RYR3: variants seen among roughly 807,000 people sequenced by gnomAD.
The protein encoded by RYR3 is ryanodine receptor 3.
RYR3 carries 207 observed loss-of-function variants against 584.3 expected under a neutral mutation model. That is an observed-to-expected ratio of 0.35 (90% CI 0.32 to 0.40). The LOEUF is 0.40. Among genes scored for constraint, RYR3 ranks in the 10% least tolerant of loss-of-function variants. RYR3 has a pLI of 1.00. For missense variants in RYR3, 5,616 were observed against 6,089.2 expected (o/e 0.92, Z 2.59); for synonymous variants, 2,416 against 2,248.5 (o/e 1.07, Z -2.11).
intron 2 of RYR3, among the ~76,000 whole-genome samples, chr15:33,502,538 C>T (rs2052085681): frequency 6.6e-6 from 1 of 152,162 alleles, no homozygotes; most frequent in African/African-American, 2.4e-5. Context: ...AAGCTGTATT[C>T]TCAAGGAAAA....
chr15:33,441,028 C>A (rs114105544), intron 1 of RYR3, among the ~76,000 whole-genome samples: 46 of 152,200 alleles, frequency 3.0e-4, no homozygotes, highest in African/African-American at 1.0e-3. Context: ...AGTTTCTTAC[C>A]CAGTTACGTA....
At chr15:33,818,419 G>T (rs1157075408) in intron 75 of RYR3, among the ~76,000 whole-genome samples, 159 bp from the exon 76 acceptor site, 3 of 152,146 alleles carry the variant, frequency 2.0e-5, no homozygotes, top group African/African-American at 7.2e-5. Flanking sequence ...CACCTTTAGG[G>T]CTTCTATCCT....
intron 1 of RYR3, among the ~76,000 whole-genome samples, chr15:33,384,917 A>G (rs981542452): frequency 6.6e-6 from 1 of 152,208 alleles, no homozygotes; most frequent in African/African-American, 2.4e-5. Flanking sequence ...TGGAATTTCC[A>G]ACACTATAGC....
At chr15:33,853,788 T>C in intron 96 of RYR3, 106 bp downstream of exon 96, 1 of 1,446,244 alleles carries the variant, frequency 6.9e-7, no homozygotes, top group Non-Finnish European at 9.3e-7. Context: ...CAGGCTGTGG[T>C]CTGGCTTAGG....
intron 99 of RYR3, 30 bp from the exon 100 acceptor site, chr15:33,859,545 G>C (rs866639481): frequency 1.2e-6 from 2 of 1,612,690 alleles, no homozygotes. Context: ...TGTGACTTTT[G>C]CCTAAATCCC....
intron 44 of RYR3, among the ~76,000 whole-genome samples, chr15:33,723,536 G>T (rs1361474026): frequency 1.3e-5 from 2 of 152,168 alleles, no homozygotes; most frequent in African/African-American, 4.8e-5. Context: ...GTAGAATCTA[G>T]AGAGTGGGCA....
At chr15:33,693,355 G>C (rs1173079894) in intron 38 of RYR3, among the ~76,000 whole-genome samples, 1 of 152,228 alleles carries the variant, frequency 6.6e-6, no homozygotes. Flanking sequence ...GCGCTGCTCA[G>C]TGTGCATGTG....
At chr15:33,509,639 T>A (rs997841921) in intron 3 of RYR3, among the ~76,000 whole-genome samples, 4 of 152,236 alleles carry the variant, frequency 2.6e-5, no homozygotes, top group African/African-American at 9.6e-5. Context: ...TTTAAGTCAC[T>A]CATGCTTATA....
intron 16 of RYR3, among the ~76,000 whole-genome samples, chr15:33,601,119 C>T (rs974917519): frequency 2.0e-5 from 3 of 152,138 alleles, no homozygotes; most frequent in African/African-American, 4.8e-5. Context: ...AGCACAGCCT[C>T]TTACTTACTG....
chr15:33,620,999 G>T (rs1213603737), intron 19 of RYR3, among the ~76,000 whole-genome samples: 2 of 152,150 alleles, frequency 1.3e-5, no homozygotes. Context: ...CAGTTTATGT[G>T]GCCATTAGAG....
chr15:33,840,899 C>T lies in RYR3; in HGVS notation c.13037+16C>T. 1 of 1,610,992 alleles carries T rather than the reference C, an allele frequency of 6.2e-7. No homozygotes were observed. Among genetic ancestry groups the T allele is most frequent in the African/African-American group, 1.3e-5 (1 of 74,984 alleles). On this transcript the variant is annotated intron_variant, in intron 90 of 103. Coordinates refer to ENST00000634891, the MANE Select transcript of RYR3 (RefSeq NM_001036.6). ...AGAAGGCAGAGTAAGTTCTTGGTAGCATCAACTACTCTCATTGCTATGGTA... is the reference window on the plus strand; with the variant it reads ...AGAAGGCAGAGTAAGTTCTTGGTAGTATCAACTACTCTCATTGCTATGGTA...
At chr15:33,695,137 A>G (rs139350569) in intron 38 of RYR3, among the ~76,000 whole-genome samples, 1 of 152,256 alleles carries the variant, frequency 6.6e-6, no homozygotes, top group African/African-American at 2.4e-5. Context: ...TGAATTAAGG[A>G]TCTTCCTGCC....
chr15:33,481,426 T>C (rs910569447), intron 2 of RYR3, among the ~76,000 whole-genome samples: 1 of 152,194 alleles, frequency 6.6e-6, no homozygotes, highest in Non-Finnish European at 1.5e-5. Context: ...TTATGACATT[T>C]TATCTTCTCT....
At chr15:33,658,145 G>A (rs1201271391) in intron 32 of RYR3, among the ~76,000 whole-genome samples, 2 of 152,214 alleles carry the variant, frequency 1.3e-5, no homozygotes, top group African/African-American at 4.8e-5. Context: ...TGGGTCCTCA[G>A]TCCAGGGTCT....
At chr15:33,839,090 A>G in intron 89 of RYR3, 132 bp downstream of exon 89, 1 of 1,125,072 alleles carries the variant, frequency 8.9e-7, no homozygotes, top group Non-Finnish European at 1.2e-6. Flanking sequence ...TGGTGTGATT[A>G]CGCTGATCTT....
intron 38 of RYR3, 145 bp from the exon 39 acceptor site, chr15:33,696,073 G>A (rs2065841825): frequency 5.9e-6 from 4 of 681,838 alleles, no homozygotes; most frequent in Non-Finnish European, 7.2e-6. Flanking sequence ...AGGATTATAG[G>A]CATGAGCCAC....
intron 2 of RYR3, among the ~76,000 whole-genome samples, chr15:33,497,503 C>A (rs369371965): frequency 6.6e-6 from 1 of 152,102 alleles, no homozygotes; most frequent in East Asian, 1.9e-4. Flanking sequence ...TAATTTAGGC[C>A]GTTGTCACCT....
chr15:33,516,594 C>T (rs779767030), intron 3 of RYR3, among the ~76,000 whole-genome samples: 1 of 152,114 alleles, frequency 6.6e-6, no homozygotes, highest in Non-Finnish European at 1.5e-5. Flanking sequence ...CCCCAGCCTC[C>T]CAAAGTGCTG....
At chr15:33,549,346 C>T (rs1224660972) in intron 9 of RYR3, among the ~76,000 whole-genome samples, 3 of 152,140 alleles carry the variant, frequency 2.0e-5, no homozygotes, top group African/African-American at 4.8e-5. Context: ...TTTATCAATG[C>T]GATTTGGATT....
Sources: allele counts gnomAD v4.1 joint callset (sites outside exome capture counted in the v4.1 genomes callset), GRCh38; gene constraint gnomAD v4.1.1; transcripts MANE v1.5; gene names NCBI Gene and HGNC (gene_info 2026-07-23, HGNC 2026-07-21).